The following PLCG2 variants were observed in gnomAD, a reference collection of about 807,000 sequenced individuals.
PLCG2 encodes phospholipase C gamma 2.
A neutral mutation model predicts 175.6 loss-of-function variants in PLCG2; 69 were observed. The observed-to-expected ratio is 0.39, with a 90% confidence interval of 0.32 to 0.48. The LOEUF (loss-of-function observed/expected upper bound fraction) is 0.48, where lower values mean the gene tolerates loss of function less well. Among genes scored for constraint, PLCG2 ranks in the 20% least tolerant of loss-of-function variants. The pLI is 0.91. For synonymous variants in PLCG2, 827 were observed against 624.0 expected, an observed-to-expected ratio of 1.33 and a Z score of -4.85; for missense variants, 1,798 against 1,650.9, an observed-to-expected ratio of 1.09 and a Z score of -1.54.
chr16:81,753,342 GTTTTTT>G (rs34438350), intron 1 of PLCG2, among the ~76,000 whole-genome samples: 29 of 91,126 alleles, frequency 3.2e-4, no homozygotes, highest in African/African-American at 1.1e-3. Flanking sequence ...GTCCTGGCAG[GTTTTTT>G]TTTTTTTTTT....
At position 81,961,234 on chromosome 16, in the gene PLCG2, T is replaced by A. The variant is rs1911767196; in HGVS notation, c.*3236T>A. On this transcript the variant is annotated 3_prime_UTR_variant, in exon 33 of 33. Coordinates refer to ENST00000564138, the MANE Select transcript of PLCG2 (RefSeq NM_002661.5). ...TTCCGTTCCCATTGATGTATCTGTGTGAACAAGGATCAACATCTCCATAAA... is the reference window on the plus strand; with the variant it reads ...TTCCGTTCCCATTGATGTATCTGTGAGAACAAGGATCAACATCTCCATAAA... 1 of 225,662 alleles carries A rather than the reference T, an allele frequency of 4.4e-6. No individual in the cohort carries two copies. 14.0% of individuals were successfully genotyped at this position (225,662 alleles called of 1,614,324 possible).
chr16:81,939,442 T>C (rs963827931), intron 29 of PLCG2, among the ~76,000 whole-genome samples: 2 of 152,206 alleles, frequency 1.3e-5, no homozygotes. Context: ...ACTCAGATGC[T>C]GACCAAATAA....
At position 81,958,025 on chromosome 16, in the gene PLCG2, T is replaced by A; in HGVS notation, c.*27T>A. The A allele has an allele frequency of 1.9e-6, 3 of 1,540,864 alleles. No homozygotes were observed. The South Asian group carries it at 3.3e-5, about 17-fold the overall frequency. Reference sequence around the variant, plus strand: ...AGCTGGGGTATGTGTGTAAGGGTATTGTGTGTGTGCGCATGTGTGTTTGCA... The same window carrying A: ...AGCTGGGGTATGTGTGTAAGGGTATAGTGTGTGTGCGCATGTGTGTTTGCA... On this transcript the variant is annotated 3_prime_UTR_variant, in exon 33 of 33. Transcript: ENST00000564138.
At chr16:81,810,243 T>C (rs533893265) in intron 2 of PLCG2, among the ~76,000 whole-genome samples, 61 of 152,302 alleles carry the variant, frequency 4.0e-4, no homozygotes, top group Admixed American at 5.9e-4. Context: ...GCCTCAGCCT[T>C]CCGAAGTGCT....
chr16:81,893,006 T>A (rs4448931), intron 11 of PLCG2, among the ~76,000 whole-genome samples: 87,983 of 151,164 alleles, frequency 0.58, 26,330 homozygotes, highest in East Asian at 0.77. Flanking sequence ...CACCATGCCC[T>A]GTTTTGTTTT....
At chr16:81,944,803 G>A (rs772404764) in intron 30 of PLCG2, among the ~76,000 whole-genome samples, 1 of 152,080 alleles carries the variant, frequency 6.6e-6, no homozygotes, top group Non-Finnish European at 1.5e-5. Flanking sequence ...TCAGGGACTT[G>A]AGCCTCCAAG....
In PLCG2 at chr16:81,919,714, G is replaced by T. The variant is rs772510484; in HGVS notation, c.2235+50G>T. ...TTGGTGGGATTTCTTGTCTGAGGTT[G>T]TAACTCATCTGTTCATGAATTCAGC... On this transcript the variant is annotated intron_variant, in intron 20 of 32. Coordinates refer to ENST00000564138, the MANE Select transcript of PLCG2 (RefSeq NM_002661.5). The T allele has an allele frequency of 2.7e-6, 4 of 1,497,376 alleles. No individual in the cohort carries two copies. The East Asian group carries it at 6.8e-5, about 26-fold the overall frequency. 92.8% of individuals were successfully genotyped at this position (1,497,376 alleles called of 1,614,324 possible).
intron 7 of PLCG2, among the ~76,000 whole-genome samples, chr16:81,875,424 A>G (rs1040503527): frequency 2.5e-4 from 38 of 152,118 alleles, no homozygotes; most frequent in African/African-American, 8.7e-4. Context: ...CTAGGATTTG[A>G]TTTTCTGCCC....
At chr16:81,892,538 G>A (rs1403314063) in intron 11 of PLCG2, among the ~76,000 whole-genome samples, 4 of 113,092 alleles carry the variant, frequency 3.5e-5, no homozygotes, top group Non-Finnish European at 8.8e-5. Flanking sequence ...ATGTCTTTCA[G>A]GGGGAAATTG....
At chr16:81,770,359 G>A (rs1032884855) in intron 2 of PLCG2, among the ~76,000 whole-genome samples, 27 of 152,190 alleles carry the variant, frequency 1.8e-4, no homozygotes, top group Non-Finnish European at 3.7e-4. Flanking sequence ...AGAATATTTA[G>A]AAAACAATGA....
chr16:81,740,057 G>C (rs1597299136), intron 1 of PLCG2, among the ~76,000 whole-genome samples: 1 of 146,774 alleles, frequency 6.8e-6, no homozygotes, highest in African/African-American at 2.5e-5. Flanking sequence ...AGAATCACTT[G>C]AGCCTGGGAG....
chr16:81,784,704 A>G (rs561058548), intron 1 of PLCG2, among the ~76,000 whole-genome samples: 4 of 152,328 alleles, frequency 2.6e-5, no homozygotes, highest in African/African-American at 7.2e-5. Flanking sequence ...GAGATACATT[A>G]TCTTGTTTAA....
intron 2 of PLCG2, among the ~76,000 whole-genome samples, chr16:81,771,346 G>A (rs142285010): frequency 0.017 from 2,590 of 152,288 alleles, 32 homozygotes; most frequent in Middle Eastern, 0.044. Context: ...TCCCATCTCA[G>A]CCTCCCAAGT....
chr16:81,889,192 G>C lies in PLCG2; in HGVS notation c.786G>C (p.Leu262=), dbSNP rs2143595211. ...TTAAGGAGCATTGGGCTCAGGATCTGAACAAAGTCCGTGAGCGGATGACAA... is the reference window on the plus strand; with the variant it reads ...TTAAGGAGCATTGGGCTCAGGATCTCAACAAAGTCCGTGAGCGGATGACAA... ...HEQQEHWAQD[L]NKVRERMTKF... Residue 262 remains leucine, a synonymous_variant, in exon 10 of 33, where the codon CTG becomes CTC. Coordinates refer to ENST00000564138, the MANE Select transcript of PLCG2 (RefSeq NM_002661.5). The C allele has an allele frequency of 6.2e-7, 1 of 1,602,008 alleles. No individual in the cohort carries two copies. Among genetic ancestry groups the C allele is most frequent in the Middle Eastern group, 1.7e-4 (1 of 6,050 alleles).
chr16:81,938,936 C>A (rs757699225), intron 29 of PLCG2, 21 bp downstream of exon 29: 1 of 1,432,498 alleles, frequency 7.0e-7, no homozygotes, highest in Middle Eastern at 1.8e-4. Flanking sequence ...CACCTTGGCC[C>A]CTCTGCTTTT....
chr16:81,803,741 G>A (rs1233384718), intron 2 of PLCG2, among the ~76,000 whole-genome samples: 1 of 143,642 alleles, frequency 7.0e-6, no homozygotes, highest in Non-Finnish European at 1.5e-5. Flanking sequence ...GAGGGCAGTG[G>A]TGCGATTTTG....
At chr16:81,833,904 G>A (rs973438191) in intron 2 of PLCG2, among the ~76,000 whole-genome samples, 23 of 152,122 alleles carry the variant, frequency 1.5e-4, no homozygotes, top group Non-Finnish European at 2.6e-4. Flanking sequence ...AATGCTTCTG[G>A]CATCTCTCTG....
chr16:81,800,355 C>G (rs1267945401), intron 2 of PLCG2, among the ~76,000 whole-genome samples: 1 of 152,166 alleles, frequency 6.6e-6, no homozygotes, highest in African/African-American at 2.4e-5. Context: ...TTCTGATGCT[C>G]TCCTCCATCC....
intron 28 of PLCG2, among the ~76,000 whole-genome samples, chr16:81,938,229 G>A (rs1374702548): frequency 3.3e-5 from 5 of 152,078 alleles, no homozygotes; most frequent in African/African-American, 1.2e-4. Context: ...ACAGCCATTT[G>A]GTCTTAATGG....
Sources: gnomAD v4.1 joint callset for allele counts (sites outside exome capture counted in the v4.1 genomes callset) on GRCh38, gnomAD v4.1.1 for gene constraint, MANE v1.5 for transcripts, NCBI Gene and HGNC (gene_info 2026-07-23, HGNC 2026-07-21) for gene names.